Variants in KCNIP4 observed in about 807,000 individuals in gnomAD.
KCNIP4 encodes potassium voltage-gated channel interacting protein 4.
Under a neutral mutation model 34.0 loss-of-function variants are expected in KCNIP4, and 12 were observed. The ratio of observed to expected loss-of-function variants is 0.35; its 90% confidence interval spans 0.23 to 0.57. KCNIP4 has a LOEUF of 0.57. KCNIP4 is among the 20% of genes least tolerant of loss of function. The probability of loss-of-function intolerance (pLI) is 0.83; values close to 1 mark genes in which losing one functional copy is unlikely to be tolerated. For missense variants in KCNIP4, 238 were observed against 311.7 expected, an observed-to-expected ratio of 0.76 and a Z score of 1.78; for synonymous variants, 124 against 102.2, an observed-to-expected ratio of 1.21 and a Z score of -1.29.
intron 4 of KCNIP4, among the ~76,000 whole-genome samples, chr4:20,755,414 T>C (rs1335945353): frequency 6.6e-6 from 1 of 152,238 alleles, no homozygotes; most frequent in African/African-American, 2.4e-5. Context: ...ATTATTCCAC[T>C]GTACAGTGAT....
chr4:21,910,059 G>T (rs1728218088), intron 1 of KCNIP4, among the ~76,000 whole-genome samples: 2 of 152,074 alleles, frequency 1.3e-5, no homozygotes, highest in Non-Finnish European at 2.9e-5. Context: ...AAACGAAGAT[G>T]ATGCTACCCT....
intron 1 of KCNIP4, among the ~76,000 whole-genome samples, chr4:21,765,881 G>T (rs1404053280): frequency 6.8e-6 from 1 of 147,878 alleles, no homozygotes; most frequent in African/African-American, 2.5e-5. Flanking sequence ...GAGAGAGACA[G>T]ATCAAGGAAT....
At chr4:21,651,895 C>T (rs1463703207) in intron 1 of KCNIP4, among the ~76,000 whole-genome samples, 3 of 151,984 alleles carry the variant, frequency 2.0e-5, no homozygotes, top group African/African-American at 7.3e-5. Flanking sequence ...CTATGTAATA[C>T]AGATATACAT....
chr4:20,889,251 T>C (rs1725656364), intron 1 of KCNIP4, among the ~76,000 whole-genome samples: 2 of 152,178 alleles, frequency 1.3e-5, no homozygotes, highest in Non-Finnish European at 2.9e-5. Context: ...TTGTAATTCA[T>C]CTCTGCTAGT....
At chr4:20,974,853 GGAT>G (rs1356950866) in intron 1 of KCNIP4, among the ~76,000 whole-genome samples, 1 of 152,068 alleles carries the variant, frequency 6.6e-6, no homozygotes, top group African/African-American at 2.4e-5. Context: ...TTTCTTTCCT[GGAT>G]GATTGAATAC....
At chr4:21,609,369 C>G (rs1743976187) in intron 1 of KCNIP4, among the ~76,000 whole-genome samples, 2 of 152,096 alleles carry the variant, frequency 1.3e-5, no homozygotes, top group African/African-American at 2.4e-5. Context: ...ACAGGTAGTC[C>G]ATGCTTTCCA....
chr4:21,763,121 A>G (rs1318580851), intron 1 of KCNIP4: 12 of 1,286,192 alleles, frequency 9.3e-6, no homozygotes, highest in Non-Finnish European at 1.2e-5. Flanking sequence ...CAGGTTCACC[A>G]GACAATAATT....
chr4:21,826,248 G>C (rs1256170050), intron 1 of KCNIP4, among the ~76,000 whole-genome samples: 2 of 152,084 alleles, frequency 1.3e-5, no homozygotes, highest in African/African-American at 4.8e-5. Context: ...TGGGGATTTT[G>C]CCTGCCTACT....
chr4:21,355,919 C>G (rs1259037546), intron 1 of KCNIP4, among the ~76,000 whole-genome samples: 1 of 152,158 alleles, frequency 6.6e-6, no homozygotes, highest in Non-Finnish European at 1.5e-5. Context: ...TACTGGCAAA[C>G]CGAATCCAGC....
intron 1 of KCNIP4, among the ~76,000 whole-genome samples, chr4:21,556,951 AC>A: frequency 2.0e-5 from 3 of 150,672 alleles, no homozygotes; most frequent in African/African-American, 4.9e-5. Flanking sequence ...AAACCAGAAA[AC>A]AAAAATGCAT....
At chr4:20,794,778 G>C (rs1222321744) in intron 3 of KCNIP4, among the ~76,000 whole-genome samples, 1 of 152,222 alleles carries the variant, frequency 6.6e-6, no homozygotes, top group Non-Finnish European at 1.5e-5. Flanking sequence ...AGGCATATAA[G>C]TGTGGCTTAG....
intron 1 of KCNIP4, among the ~76,000 whole-genome samples, chr4:21,782,869 A>G (rs1257008261): frequency 1.3e-5 from 2 of 152,224 alleles, no homozygotes; most frequent in African/African-American, 4.8e-5. Flanking sequence ...ATAAACAGCA[A>G]CCTAGATGGA....
intron 1 of KCNIP4, among the ~76,000 whole-genome samples, chr4:21,528,682 A>G (rs1001147859): frequency 8.1e-4 from 2 of 2,472 alleles, no homozygotes; most frequent in East Asian, 0.067. Flanking sequence ...AAACAAAGAA[A>G]GAAAGAAAGA....
At position 21,115,084 on chromosome 4, in the gene KCNIP4, C is replaced by T. The variant is rs530435639; in HGVS notation, c.62-232375G>A. 1.1e-4 allele frequency among the ~76,000 whole-genome samples: 17 copies of T among 152,296 alleles called. No individual in the cohort carries two copies. In the South Asian group the frequency reaches 3.3e-3, roughly 30 times the overall value. On this transcript the variant is annotated intron_variant, in intron 1 of 8. Transcript: ENST00000382152. ...GTTCCTTAAAGTTCTTACAAGGGCC[C>T]AGTTCACTTTTGTCCCTTCCCTCAC...
chr4:21,827,816 A>G, intron 1 of KCNIP4, among the ~76,000 whole-genome samples: 1 of 152,024 alleles, frequency 6.6e-6, no homozygotes, highest in Non-Finnish European at 1.5e-5. Context: ...TGTGTCATAC[A>G]AAACAGCAAG....
intron 1 of KCNIP4, among the ~76,000 whole-genome samples, chr4:21,638,450 C>T (rs985414395): frequency 4.6e-5 from 7 of 152,172 alleles, no homozygotes; most frequent in Non-Finnish European, 8.8e-5. Flanking sequence ...AACTGTATAA[C>T]CATGAAAAAG....
intron 1 of KCNIP4, among the ~76,000 whole-genome samples, chr4:21,904,266 C>T (rs1012640522): frequency 1.6e-4 from 24 of 152,142 alleles, no homozygotes; most frequent in Admixed American, 2.6e-4. Context: ...GTCAGACATA[C>T]CTGGATTCAA....
At chr4:21,519,772 C>CACACGTGTGTGTATGTATGTGTGTGTAT (rs1735337151) in intron 1 of KCNIP4, among the ~76,000 whole-genome samples, 1 of 130,790 alleles carries the variant, frequency 7.6e-6, no homozygotes, top group Admixed American at 7.8e-5. Context: ...TGTGTGTATA[C>CACACGTGTGTGTATGTATGTGTGTGTAT]ACACGTGTGT....
At chr4:20,937,499 G>T (rs893048333) in intron 1 of KCNIP4, among the ~76,000 whole-genome samples, 1 of 149,966 alleles carries the variant, frequency 6.7e-6, no homozygotes, top group African/African-American at 2.5e-5. Context: ...CTCCTAAAGG[G>T]CTGGGATTAC....
Sources: allele counts gnomAD v4.1 joint callset (sites outside exome capture counted in the v4.1 genomes callset), GRCh38; gene constraint gnomAD v4.1.1; transcripts MANE v1.5; gene names NCBI Gene and HGNC (gene_info 2026-07-23, HGNC 2026-07-21).